GSR: variants seen among roughly 807,000 people sequenced by gnomAD.
The protein encoded by GSR is glutathione reductase, mitochondrial.
A neutral mutation model predicts 56.5 loss-of-function variants in GSR; 48 were observed. The observed-to-expected ratio is 0.85, with a 90% CI of 0.67 to 1.08. GSR has a LOEUF of 1.08. GSR is among the 50% of genes least tolerant of loss of function. GSR has a pLI of 0.00. For synonymous variants in GSR, 264 were observed against 270.8 expected (o/e 0.97, Z 0.25); for missense variants, 694 against 703.3 (o/e 0.99, Z 0.15).
chr8:30,725,104 T>C (rs1159251857), intron 1 of GSR, among the ~76,000 whole-genome samples: 1 of 152,140 alleles, frequency 6.6e-6, no homozygotes, highest in Non-Finnish European at 1.5e-5. Context: ...CAAATGTTTA[T>C]ATCTATCGTT....
intron 9 of GSR, among the ~76,000 whole-genome samples, chr8:30,688,395 A>G (rs1803234999): frequency 6.6e-6 from 1 of 152,106 alleles, no homozygotes; most frequent in Non-Finnish European, 1.5e-5. Flanking sequence ...CCTGGGCAAC[A>G]TAGTAAGACT....
chr8:30,679,195 A>G lies in GSR; in HGVS notation c.*325T>C, dbSNP rs1443950777. The G allele has an allele frequency of 3.4e-6, 1 of 294,942 alleles. No individual in the cohort carries two copies. The highest frequency in any genetic ancestry group is 6.4e-6 in the Non-Finnish European group (1 of 156,388). The allele number at this position is 294,942 out of a possible 1,614,324, so 18.3% of individuals were successfully genotyped here. ...TAGCAAGTTCTATTCATTCAAGTAC[A>G]TTAAGTTAATTGTACTTCACAAAGC... On this transcript the variant is annotated 3_prime_UTR_variant, in exon 13 of 13. Coordinates refer to ENST00000221130, the MANE Select transcript of GSR (RefSeq NM_000637.5).
intron 6 of GSR, among the ~76,000 whole-genome samples, chr8:30,697,401 G>A (rs1357053365): frequency 6.9e-6 from 1 of 145,828 alleles, no homozygotes; most frequent in Non-Finnish European, 1.5e-5. Flanking sequence ...GAAACAGAGC[G>A]AGACTCTGTC....
intron 6 of GSR, among the ~76,000 whole-genome samples, chr8:30,699,248 A>G (rs1803648147): frequency 6.6e-6 from 1 of 151,988 alleles, no homozygotes; most frequent in Non-Finnish European, 1.5e-5. Flanking sequence ...CCATGATGGC[A>G]CCACTGCACT....
At chr8:30,704,838 CA>C (rs1017320044) in intron 4 of GSR, 1 of 152,196 alleles carries the variant, frequency 6.6e-6, no homozygotes, top group Non-Finnish European at 1.5e-5. Context: ...ACCATTCCCT[CA>C]GGTCTTAATG....
At chr8:30,714,838 A>G (rs1022067089) in intron 1 of GSR, among the ~76,000 whole-genome samples, 2 of 152,186 alleles carry the variant, frequency 1.3e-5, no homozygotes, top group Non-Finnish European at 2.9e-5. Flanking sequence ...TGGCCTGTAT[A>G]TGCTTTTGGA....
At chr8:30,718,109 T>C (rs200060852) in intron 1 of GSR, among the ~76,000 whole-genome samples, 1 of 63,162 alleles carries the variant, frequency 1.6e-5, no homozygotes, top group African/African-American at 3.7e-5. Flanking sequence ...CTCAAAAAAA[T>C]AAAAATAAAT....
intron 1 of GSR, among the ~76,000 whole-genome samples, chr8:30,722,336 G>A (rs1586072410): frequency 6.6e-6 from 1 of 152,140 alleles, no homozygotes; most frequent in Non-Finnish European, 1.5e-5. Flanking sequence ...GACACATTAG[G>A]GTAACCTTCT....
At chr8:30,709,973 A>C (rs1252591342) in intron 2 of GSR, 71 bp from the exon 3 acceptor site, 2 of 823,540 alleles carry the variant, frequency 2.4e-6, no homozygotes, top group African/African-American at 3.4e-5. Context: ...AGGAATCATG[A>C]ATGAATGGTA....
intron 1 of GSR, among the ~76,000 whole-genome samples, chr8:30,714,621 A>G (rs1804265495): frequency 6.6e-6 from 1 of 152,048 alleles, no homozygotes; most frequent in South Asian, 2.1e-4. Context: ...CGGCCTCCCA[A>G]AGTGTTGAGA....
At position 30,727,720 on chromosome 8, in the gene GSR, G is replaced by C; in HGVS notation, c.116C>G (p.Ala39Gly). 7.1e-7 allele frequency: 1 copy of C among 1,411,298 alleles called. No homozygotes were observed. The highest frequency in any genetic ancestry group is 9.2e-7 in the Non-Finnish European group (1 of 1,088,654). The allele number at this position is 1,411,298 out of a possible 1,614,324, so 87.4% of individuals were successfully genotyped here. The change falls in exon 1 of 13, where the codon GCC becomes GGC. Residue 39 changes from alanine (A) to glycine (G), a missense_variant. Physicochemically the swap from Ala to Gly is moderately conservative, Grantham distance 60 (BLOSUM62 0). Transcript: ENST00000221130. ...LLPEPAALTR[A>G]LSRAMACRQE... ...CCTGCAGGCCATGGCACGGGAGAGG[G>C]CGCGCGTGAGGGCCGCGGGCTCGGG...
Position 30,692,235 on chromosome 8 carries a change from G to A in GSR, c.882+734C>T, listed in dbSNP as rs543216315. Among the ~76,000 whole-genome samples, 4 of 104,970 alleles carry A rather than the reference G, an allele frequency of 3.8e-5. No individual in the cohort carries two copies. In the South Asian group the frequency reaches 9.5e-4, roughly 25 times the overall value. 68.9% of individuals were successfully genotyped at this position (104,970 alleles called of 152,430 possible). A position where few individuals can be genotyped will look rare whatever the true frequency, so the allele number is the denominator to read the frequency against. ...TTTTTTTTTTTTGAGATGGACTCTC[G>A]CTCTTGTTGCCCAGGCTGGAATGCA... On this transcript the variant is annotated intron_variant, in intron 8 of 12. Transcript: ENST00000221130.
In GSR at chr8:30,700,074, G is replaced by A. The variant is rs201695510; in HGVS notation, c.695+7C>T. On this transcript the variant is annotated splice_region_variant and intron_variant, in intron 6 of 12. Coordinates refer to ENST00000221130, the MANE Select transcript of GSR (RefSeq NM_000637.5). ...TGAGTCACTGAGGTCAGGTCAGGTT[G>A]GCTTACCCGGGCAATTCTTCCAGCT... 1.1e-5 allele frequency: 17 copies of A among 1,607,426 alleles called. No homozygotes were observed. The highest frequency in any genetic ancestry group is 8.5e-7 in the Non-Finnish European group (1 of 1,174,000).
chr8:30,710,438 C>T (rs930752144), intron 2 of GSR, among the ~76,000 whole-genome samples: 7 of 150,302 alleles, frequency 4.7e-5, no homozygotes, highest in African/African-American at 1.2e-4. Context: ...AACACAAGGC[C>T]GGGCACAGTG....
intron 8 of GSR, 26 bp from the exon 9 acceptor site, chr8:30,689,345 CAT>C: frequency 6.2e-7 from 1 of 1,606,358 alleles, no homozygotes; most frequent in Non-Finnish European, 8.5e-7. Context: ...ATGTGTTACA[CAT>C]GTGTGGAGGC....
At chr8:30,696,824 T>C (rs1196431919) in intron 6 of GSR, among the ~76,000 whole-genome samples, 1 of 152,020 alleles carries the variant, frequency 6.6e-6, no homozygotes, top group Non-Finnish European at 1.5e-5. Flanking sequence ...GCCTCCTGAG[T>C]AGCTGGGACT....
chr8:30,713,917 T>A (rs1428431127), intron 1 of GSR, among the ~76,000 whole-genome samples: 2 of 152,152 alleles, frequency 1.3e-5, no homozygotes, highest in Admixed American at 1.3e-4. Context: ...TAAATATCCA[T>A]CGGCAGGGAA....
chr8:30,716,549 T>C (rs1804339707), intron 1 of GSR, among the ~76,000 whole-genome samples: 1 of 152,236 alleles, frequency 6.6e-6, no homozygotes, highest in Non-Finnish European at 1.5e-5. Flanking sequence ...GGCTCATGCC[T>C]ATAATCCCAG....
At chr8:30,698,439 A>G (rs1304159081) in intron 6 of GSR, among the ~76,000 whole-genome samples, 1 of 152,186 alleles carries the variant, frequency 6.6e-6, no homozygotes, top group Non-Finnish European at 1.5e-5. Flanking sequence ...CTAAAATCAA[A>G]CAATGCAGGG....
Sources: gnomAD v4.1 joint callset for allele counts (sites outside exome capture counted in the v4.1 genomes callset) on GRCh38, gnomAD v4.1.1 for gene constraint, MANE v1.5 for transcripts, NCBI Gene and HGNC (gene_info 2026-07-23, HGNC 2026-07-21) for gene names.